The following BCKDHB variants were observed in gnomAD, a reference collection of about 807,000 sequenced individuals.
BCKDHB encodes branched chain keto acid dehydrogenase E1 subunit beta.
BCKDHB carries 41 observed loss-of-function variants against 48.5 expected under a neutral mutation model. That is an observed-to-expected ratio of 0.85 (90% confidence interval 0.66 to 1.10). BCKDHB has a LOEUF of 1.10. BCKDHB is among the 50% of genes least tolerant of loss of function. BCKDHB has a pLI of 0.00. For synonymous variants in BCKDHB, 201 were observed against 174.8 expected, an observed-to-expected ratio of 1.15 and a Z score of -1.18; for missense variants, 496 against 494.2, an observed-to-expected ratio of 1.00 and a Z score of -0.03.
chr6:80,374,007 T>C, the BCKDHB span: 1 of 621,306 alleles, frequency 1.6e-6, no homozygotes, highest in Non-Finnish European at 3.0e-6. Flanking sequence ...TTTATTTTAA[T>C]GCTGAATTTA....
In BCKDHB at chr6:80,138,802, C is replaced by T. The variant is rs546937334; in HGVS notation, c.343+9573C>T. ...CTTTATAGCAGCATGATTTATAATC[C>T]TTTGGGTATATACCCAGTAATGGGA... On this transcript the variant is annotated intron_variant, in intron 3 of 9. Transcript: ENST00000320393. Among the ~76,000 whole-genome samples the T allele has an allele frequency of 4.1e-4, 62 of 152,224 alleles. 1 individual carries two copies. In the South Asian group the frequency reaches 0.013, roughly 31 times the overall value.
intron 1 of BCKDHB, among the ~76,000 whole-genome samples, chr6:80,112,675 C>G (rs1028740398): frequency 5.9e-5 from 9 of 152,206 alleles, no homozygotes; most frequent in African/African-American, 2.2e-4. Flanking sequence ...AGAGAAAATT[C>G]CAAGGAGGCC....
chr6:80,342,096 G>T (rs915134683), intron 9 of BCKDHB, among the ~76,000 whole-genome samples: 2 of 152,240 alleles, frequency 1.3e-5, no homozygotes, highest in East Asian at 1.9e-4. Flanking sequence ...TGTCCAGTAG[G>T]TTCTCTTTGG....
At chr6:80,228,883 G>A (rs982599603) in intron 8 of BCKDHB, among the ~76,000 whole-genome samples, 15 of 152,302 alleles carry the variant, frequency 9.8e-5, no homozygotes, top group African/African-American at 3.6e-4. Context: ...GAGAGATCCA[G>A]TGTGAGGGCC....
chr6:80,461,918 A>ACTT, the BCKDHB span, among the ~76,000 whole-genome samples: 1,591 of 152,276 alleles, frequency 0.01, 14 homozygotes, highest in African/African-American at 0.023. Context: ...ACAGAGAAGA[A>ACTT]CTGCCTTTAA....
the BCKDHB span, among the ~76,000 whole-genome samples, chr6:80,359,370 C>G: frequency 6.6e-6 from 1 of 152,160 alleles, no homozygotes; most frequent in Non-Finnish European, 1.5e-5. Context: ...TCAACTCTCC[C>G]CATTGGCTGG....
chr6:80,372,060 A>G, the BCKDHB span, among the ~76,000 whole-genome samples: 1 of 151,810 alleles, frequency 6.6e-6, no homozygotes, highest in South Asian at 2.1e-4. Context: ...GAATTTGTAT[A>G]TTTCTTTTGG....
downstream of BCKDHB, among the ~76,000 whole-genome samples, chr6:80,348,033 ATTCT>A (rs149206476): frequency 0.026 from 3,901 of 152,248 alleles, 156 homozygotes; most frequent in African/African-American, 0.089. Flanking sequence ...AATGTGTCTG[ATTCT>A]TTCAGGAAAA....
intron 8 of BCKDHB, among the ~76,000 whole-genome samples, chr6:80,271,393 C>A (rs1236927219): frequency 6.6e-6 from 1 of 152,090 alleles, no homozygotes; most frequent in Non-Finnish European, 1.5e-5. Flanking sequence ...GAATCAACCT[C>A]AAATGTTGGA....
intron 7 of BCKDHB, among the ~76,000 whole-genome samples, 197 bp downstream of exon 7, chr6:80,201,228 A>G (rs1774381171): frequency 6.6e-6 from 1 of 152,170 alleles, no homozygotes; most frequent in South Asian, 2.1e-4. Context: ...TCTTCAAGGT[A>G]TATATGTGAT....
At chr6:80,215,902 C>T (rs1424381650) in intron 8 of BCKDHB, among the ~76,000 whole-genome samples, 1 of 152,038 alleles carries the variant, frequency 6.6e-6, no homozygotes, top group Non-Finnish European at 1.5e-5. Flanking sequence ...CCACCATGCC[C>T]GTCTAATTTT....
the BCKDHB span, among the ~76,000 whole-genome samples, chr6:80,366,400 AC>A: frequency 1.3e-5 from 2 of 152,198 alleles, no homozygotes; most frequent in African/African-American, 2.4e-5. Context: ...GTCTAGTGCA[AC>A]CCTAGCACAT....
intron 1 of BCKDHB, among the ~76,000 whole-genome samples, chr6:80,107,476 GATAT>G (rs201232399): frequency 8.3e-6 from 1 of 120,222 alleles, no homozygotes; most frequent in Non-Finnish European, 1.6e-5. Flanking sequence ...TATATGTGTG[GATAT>G]ATATACGCGC....
At chr6:80,107,016 T>A in intron 1 of BCKDHB, 127 bp downstream of exon 1, 3 of 1,217,808 alleles carry the variant, frequency 2.5e-6, no homozygotes, top group Non-Finnish European at 3.5e-6. Flanking sequence ...CCTGACTCTC[T>A]GGAACCTCCT....
the BCKDHB span, among the ~76,000 whole-genome samples, chr6:80,457,373 C>T: frequency 2.6e-5 from 4 of 152,160 alleles, no homozygotes; most frequent in African/African-American, 9.7e-5. Flanking sequence ...CCCTTCTAGT[C>T]CCCTGCAGCT....
chr6:80,222,680 C>T (rs1775512309), intron 8 of BCKDHB, among the ~76,000 whole-genome samples: 1 of 151,960 alleles, frequency 6.6e-6, no homozygotes, highest in Non-Finnish European at 1.5e-5. Context: ...AGTAGATATC[C>T]CTTAGTGTTG....
At chr6:80,389,122 A>G in the BCKDHB span, among the ~76,000 whole-genome samples, 1 of 152,244 alleles carries the variant, frequency 6.6e-6, no homozygotes, top group Non-Finnish European at 1.5e-5. Context: ...CTCACCAATG[A>G]GTGACCTCAG....
chr6:80,391,070 C>G, the BCKDHB span, among the ~76,000 whole-genome samples: 1 of 152,140 alleles, frequency 6.6e-6, no homozygotes, highest in Non-Finnish European at 1.5e-5. Flanking sequence ...AGACTGACTT[C>G]TTGCTCAAGT....
chr6:80,240,533 T>C (rs1776338536), intron 8 of BCKDHB, among the ~76,000 whole-genome samples: 1 of 152,228 alleles, frequency 6.6e-6, no homozygotes, highest in Admixed American at 6.5e-5. Flanking sequence ...CGGACTTTAC[T>C]GAAGTTGCTT....
Sources: gnomAD v4.1 joint callset for allele counts (sites outside exome capture counted in the v4.1 genomes callset) on GRCh38, gnomAD v4.1.1 for gene constraint, MANE v1.5 for transcripts, NCBI Gene and HGNC (gene_info 2026-07-23, HGNC 2026-07-21) for gene names.